PLEKHA5: variants seen among roughly 807,000 people sequenced by gnomAD.
The protein encoded by PLEKHA5 is pleckstrin homology domain containing A5.
A neutral mutation model predicts 181.9 loss-of-function variants in PLEKHA5; 55 were observed. The observed-to-expected ratio is 0.30, with a 90% CI of 0.24 to 0.38. The LOEUF is 0.38. Ranked by LOEUF, PLEKHA5 falls within the 10% of genes least tolerant of loss-of-function variation. The probability of loss-of-function intolerance (pLI) is 1.00; values close to 1 mark genes in which losing one functional copy is unlikely to be tolerated. For missense variants in PLEKHA5, 1,432 were observed against 1,549.5 expected (o/e 0.92, Z 1.27); for synonymous variants, 535 against 529.4 (o/e 1.01, Z -0.15).
intron 25 of PLEKHA5, among the ~76,000 whole-genome samples, chr12:19,349,882 G>A (rs1476721409): frequency 6.6e-6 from 1 of 152,138 alleles, no homozygotes; most frequent in Non-Finnish European, 1.5e-5. Context: ...GGAGGTGGAG[G>A]CGGGCAGATC....
intron 5 of PLEKHA5, among the ~76,000 whole-genome samples, chr12:19,255,934 T>C (rs1017159602): frequency 2.1e-5 from 3 of 143,702 alleles, no homozygotes; most frequent in Non-Finnish European, 4.6e-5. Context: ...TTTCTAAATA[T>C]GACATAAAAC....
chr12:19,250,140 G>A (rs1789620802), intron 3 of PLEKHA5, among the ~76,000 whole-genome samples: 1 of 152,146 alleles, frequency 6.6e-6, no homozygotes, highest in Non-Finnish European at 1.5e-5. Context: ...AGAACCACTT[G>A]TCTAGACCTA....
At chr12:19,269,399 A>G (rs1365520753) in intron 8 of PLEKHA5, among the ~76,000 whole-genome samples, 3 of 151,502 alleles carry the variant, frequency 2.0e-5, no homozygotes, top group Non-Finnish European at 2.9e-5. Flanking sequence ...AAAAAAGAAA[A>G]AAAAAAAAAA....
In PLEKHA5 at chr12:19,369,705, C is replaced by A. The variant is rs759375512; in HGVS notation, c.3767C>A (p.Ser1256Tyr). 6.2e-7 allele frequency: 1 copy of A among 1,608,554 alleles called. No individual in the cohort carries two copies. Among genetic ancestry groups the A allele is most frequent in the Non-Finnish European group, 8.5e-7 (1 of 1,176,308 alleles). ...GNQTMAVKSL[S>Y]PSPESSASPV... is the part of the protein sequence containing the mutation. ...TTGTGTGTTTTAGTGAAAAGTCTGT[C>A]CCCATCTCCTGAGTCCTCGGCATCG... Residue 1256 changes from serine to tyrosine, a missense_variant, in exon 31 of 32, where the codon TCC (serine) becomes TAC (tyrosine). Physicochemically the swap from Ser to Tyr is moderately radical, Grantham distance 144. Around this residue, in one of 2 missense-constraint regions of PLEKHA5, gnomAD observed 1,143 missense variants for 1,168.4 expected, o/e 0.98. Transcript: ENST00000429027.
chr12:19,143,513 G>C (rs1479152267), intron 3 of PLEKHA5, among the ~76,000 whole-genome samples: 2 of 152,052 alleles, frequency 1.3e-5, no homozygotes, highest in East Asian at 3.8e-4. Flanking sequence ...GTTGTGCAGA[G>C]AGAATTTCTA....
intron 3 of PLEKHA5, among the ~76,000 whole-genome samples, chr12:19,155,751 A>C (rs984669779): frequency 2.6e-5 from 4 of 152,238 alleles, no homozygotes; most frequent in African/African-American, 9.6e-5. Context: ...AATCCTCATA[A>C]TAAATCAAAC....
chr12:19,361,284 G>A (rs1353776894), intron 28 of PLEKHA5, among the ~76,000 whole-genome samples: 2 of 152,106 alleles, frequency 1.3e-5, no homozygotes, highest in East Asian at 1.9e-4. Context: ...CCAGGTTCAC[G>A]CCATTCTCCT....
chr12:19,277,709 T>C (rs2074982582), intron 11 of PLEKHA5, among the ~76,000 whole-genome samples: 2 of 152,206 alleles, frequency 1.3e-5, no homozygotes, highest in African/African-American at 4.8e-5. Flanking sequence ...AATGAAACAA[T>C]TGTAATTCAA....
At chr12:19,229,529 T>G (rs2060159315) in intron 3 of PLEKHA5, among the ~76,000 whole-genome samples, 1 of 152,102 alleles carries the variant, frequency 6.6e-6, no homozygotes, top group Non-Finnish European at 1.5e-5. Flanking sequence ...GAGTTGTTCA[T>G]TCCTCCCGGT....
At position 19,306,388 on chromosome 12, in the gene PLEKHA5, G is replaced by C. The variant is rs1209100217; in HGVS notation, c.2038-8426G>C. ...CTAGCGTGCTCTCTTCCCCTCCCCC[G>C]CGGCGTGCAGTGGGGTAGAGAAAAG... is the stretch of plus-strand genomic sequence containing the variant. On this transcript the variant is annotated intron_variant, in intron 15 of 31. Transcript: ENST00000429027. The C allele has an allele frequency of 4.1e-5, 20 of 493,192 alleles. No individual in the cohort carries two copies. In the Middle Eastern group the frequency reaches 9.1e-4, roughly 22 times the overall value. The allele number at this position is 493,192 out of a possible 1,614,324, so 30.6% of individuals were successfully genotyped here.
chr12:19,182,114 CT>C (rs2048751428), intron 3 of PLEKHA5, among the ~76,000 whole-genome samples: 1 of 152,116 alleles, frequency 6.6e-6, no homozygotes, highest in South Asian at 2.1e-4. Context: ...TTTATTTTTA[CT>C]TTTTAAGACT....
intron 15 of PLEKHA5, among the ~76,000 whole-genome samples, chr12:19,309,528 G>C (rs2085585505): frequency 6.6e-6 from 1 of 152,060 alleles, no homozygotes; most frequent in South Asian, 2.1e-4. Flanking sequence ...GGCCGAGGCG[G>C]GCGGATCCCC....
At chr12:19,267,943 A>G (rs972152408) in intron 8 of PLEKHA5, among the ~76,000 whole-genome samples, 5 of 152,200 alleles carry the variant, frequency 3.3e-5, no homozygotes, top group Middle Eastern at 3.4e-3. Context: ...CTGGGCAACA[A>G]GAGCGAAACT....
At chr12:19,279,222 T>C (rs1408899783) in intron 11 of PLEKHA5, among the ~76,000 whole-genome samples, 2 of 152,172 alleles carry the variant, frequency 1.3e-5, no homozygotes, top group Non-Finnish European at 2.9e-5. Context: ...ATAATATTCA[T>C]ATCGTGGCAA....
At chr12:19,336,983 C>CTTTTT (rs1227139242) in intron 21 of PLEKHA5, among the ~76,000 whole-genome samples, 3 of 112,666 alleles carry the variant, frequency 2.7e-5, no homozygotes, top group African/African-American at 3.7e-5. Flanking sequence ...TATCTTTTAT[C>CTTTTT]TTTTTTTTTT....
chr12:19,295,128 C>T (rs978971401), intron 15 of PLEKHA5, among the ~76,000 whole-genome samples: 1 of 152,126 alleles, frequency 6.6e-6, no homozygotes, highest in Non-Finnish European at 1.5e-5. Context: ...TGTATACATA[C>T]AGTAATCCCA....
intron 3 of PLEKHA5, among the ~76,000 whole-genome samples, chr12:19,175,626 T>C (rs1171472499): frequency 6.6e-6 from 1 of 152,252 alleles, no homozygotes. Flanking sequence ...GATTTTCTTT[T>C]ACACTTTAAA....
intron 15 of PLEKHA5, among the ~76,000 whole-genome samples, chr12:19,292,231 C>T (rs1001490008): frequency 6.6e-6 from 1 of 152,022 alleles, no homozygotes; most frequent in Non-Finnish European, 1.5e-5. Context: ...CATGGAGAAA[C>T]CCTGCCTCTA....
At chr12:19,200,654 C>T in intron 3 of PLEKHA5, 1 of 1,067,744 alleles carries the variant, frequency 9.4e-7, no homozygotes, top group Non-Finnish European at 1.1e-6. Flanking sequence ...CTGTCTGTAT[C>T]TTCATTCATT....
Sources: allele counts gnomAD v4.1 joint callset (sites outside exome capture counted in the v4.1 genomes callset), GRCh38; gene constraint gnomAD v4.1.1; regional missense constraint gnomAD v4.1.1; transcripts MANE v1.5; gene names NCBI Gene and HGNC (gene_info 2026-07-23, HGNC 2026-07-21).